Variants in ZCCHC14 observed in about 807,000 individuals in gnomAD.
The protein encoded by ZCCHC14 is zinc finger CCHC domain-containing protein 14.
ZCCHC14 carries 16 observed loss-of-function variants against 85.0 expected under a neutral mutation model. The observed-to-expected ratio is 0.19, with a 90% CI of 0.13 to 0.29. ZCCHC14 has a LOEUF of 0.29. Among genes scored for constraint, ZCCHC14 ranks in the 10% least tolerant of loss-of-function variants. ZCCHC14 has a pLI of 1.00. For synonymous variants in ZCCHC14, 775 were observed against 630.7 expected, an observed-to-expected ratio of 1.23 and a Z score of -3.43; for missense variants, 1,303 against 1,443.5, an observed-to-expected ratio of 0.90 and a Z score of 1.58.
intron 1 of ZCCHC14, chr16:87,467,603 T>C: frequency 7.7e-7 from 1 of 1,291,924 alleles, no homozygotes; most frequent in Non-Finnish European, 1.1e-6. Context: ...GTCAAGGATC[T>C]GGAGATGACA....
intron 1 of ZCCHC14, among the ~76,000 whole-genome samples, chr16:87,469,142 G>A (rs1374285416): frequency 6.6e-6 from 1 of 152,066 alleles, no homozygotes; most frequent in Non-Finnish European, 1.5e-5. Context: ...CAAATTGCCA[G>A]GCTCAAGTCA....
intron 2 of ZCCHC14, among the ~76,000 whole-genome samples, chr16:87,450,130 C>T (rs969755282): frequency 2.6e-5 from 4 of 152,212 alleles, no homozygotes; most frequent in Admixed American, 2.0e-4. Flanking sequence ...CAAATGTCTT[C>T]ACACTTGAAC....
At chr16:87,421,581 C>T (rs13330132) in intron 4 of ZCCHC14, among the ~76,000 whole-genome samples, 4,364 of 152,164 alleles carry the variant, frequency 0.029, 224 homozygotes, top group African/African-American at 0.1. Flanking sequence ...AGCACCAGGT[C>T]GCAAACAAGC....
In ZCCHC14 at chr16:87,478,798, G is replaced by C. The variant is rs191606247; in HGVS notation, c.570+12871C>G. Among the ~76,000 whole-genome samples the C allele has an allele frequency of 5.9e-3, 902 of 151,910 alleles. 6 individuals carry two copies. The highest frequency in any genetic ancestry group is 9.4e-3 in the Non-Finnish European group (640 of 67,946). ...ATTTTTGTATTTTTAGTAGAGATGGGGTTTTACCATATTGGTCAGGCTGGA... is the reference window on the plus strand; with the variant it reads ...ATTTTTGTATTTTTAGTAGAGATGGCGTTTTACCATATTGGTCAGGCTGGA... On this transcript the variant is annotated intron_variant, in intron 1 of 12. Coordinates refer to ENST00000671377, the MANE Select transcript of ZCCHC14 (RefSeq NM_015144.3).
intron 4 of ZCCHC14, among the ~76,000 whole-genome samples, chr16:87,421,622 G>C (rs1271344188): frequency 6.6e-6 from 1 of 152,152 alleles, no homozygotes; most frequent in Non-Finnish European, 1.5e-5. Flanking sequence ...AAGGGGCCGA[G>C]AGGGTAGAGA....
At chr16:87,468,379 C>A (rs1305748748) in intron 1 of ZCCHC14, among the ~76,000 whole-genome samples, 1 of 151,918 alleles carries the variant, frequency 6.6e-6, no homozygotes, top group Non-Finnish European at 1.5e-5. Context: ...GAGTATGTGT[C>A]ATCACATTGT....
intron 1 of ZCCHC14, among the ~76,000 whole-genome samples, chr16:87,466,913 CCCT>C (rs527316019): frequency 2.6e-5 from 4 of 152,272 alleles, no homozygotes; most frequent in Non-Finnish European, 5.9e-5. Flanking sequence ...CCTGCCACTG[CCCT>C]CCTCACCTTG....
chr16:87,411,388 C>G (rs115789663), intron 12 of ZCCHC14, 128 bp downstream of exon 12: 4 of 1,514,684 alleles, frequency 2.6e-6, no homozygotes, highest in Non-Finnish European at 3.5e-6. Flanking sequence ...GATTTCCACG[C>G]GCTTTCAAAG....
chr16:87,469,263 G>A (rs994077904), intron 1 of ZCCHC14, among the ~76,000 whole-genome samples: 13 of 152,180 alleles, frequency 8.5e-5, no homozygotes, highest in African/African-American at 3.1e-4. Flanking sequence ...GCAGCCATAT[G>A]AGATCATCCA....
chr16:87,434,948 G>A (rs139875249), intron 2 of ZCCHC14, among the ~76,000 whole-genome samples: 9,969 of 134,846 alleles, frequency 0.074, 1,171 homozygotes, highest in African/African-American at 0.26. Context: ...CCGATATCGC[G>A]CCATTGCACT....
chr16:87,411,520 C>G lies in ZCCHC14; in HGVS notation c.3201G>C (p.Arg1067=). The G allele has an allele frequency of 6.2e-7, 1 of 1,613,400 alleles. No homozygotes were observed. Among genetic ancestry groups the G allele is most frequent in the Non-Finnish European group, 8.5e-7 (1 of 1,179,990 alleles). ...DCKQPSMDFN[R]PGTFRLKYAP... The stretch of plus-strand genomic sequence containing the variant: ...GCGGCCATGGCGCGCGCTTACCTGG[C>G]CGGTTGAAGTCCATGGACGGCTGTT... The change falls in exon 12 of 13, where the codon CGG becomes CGC. Residue 1067 remains arginine, a synonymous_variant. Coordinates refer to ENST00000671377, the MANE Select transcript of ZCCHC14 (RefSeq NM_015144.3).
chr16:87,432,986 A>C, intron 3 of ZCCHC14, 142 bp downstream of exon 3: 1 of 462,630 alleles, frequency 2.2e-6, no homozygotes, highest in Non-Finnish European at 3.2e-6. Context: ...GCCCACCCCG[A>C]GCTCAGGGCC....
chr16:87,463,894 A>C (rs1911394524), intron 1 of ZCCHC14, among the ~76,000 whole-genome samples: 1 of 152,120 alleles, frequency 6.6e-6, no homozygotes, highest in Non-Finnish European at 1.5e-5. Flanking sequence ...ATCATAACTC[A>C]CCGCAGCCTC....
At chr16:87,421,836 G>A (rs183445228) in intron 4 of ZCCHC14, among the ~76,000 whole-genome samples, 12 of 152,200 alleles carry the variant, frequency 7.9e-5, no homozygotes, top group Admixed American at 7.2e-4. Flanking sequence ...TGGCAGAAGA[G>A]GTGTTGACCC....
At chr16:87,419,714 G>C (rs1214164703) in intron 6 of ZCCHC14, 69 bp downstream of exon 6, 12 of 1,352,960 alleles carry the variant, frequency 8.9e-6, no homozygotes, top group Non-Finnish European at 1.1e-5. Context: ...GGGATTACAA[G>C]CATGAGCCAC....
chr16:87,476,923 G>A (rs747856393), intron 1 of ZCCHC14, among the ~76,000 whole-genome samples: 1 of 151,806 alleles, frequency 6.6e-6, no homozygotes, highest in Non-Finnish European at 1.5e-5. Context: ...TAAGGAGTTT[G>A]AGACCAGCCT....
intron 7 of ZCCHC14, among the ~76,000 whole-genome samples, chr16:87,418,301 T>C (rs1161549772): frequency 6.6e-6 from 1 of 152,196 alleles, no homozygotes; most frequent in African/African-American, 2.4e-5. Context: ...CCTTGCTCCT[T>C]AACTGCAAAG....
chr16:87,487,289 ATTTTT>A (rs200699064), intron 1 of ZCCHC14, among the ~76,000 whole-genome samples: 4 of 151,930 alleles, frequency 2.6e-5, no homozygotes, highest in Non-Finnish European at 5.9e-5. Flanking sequence ...TAAAAACGTT[ATTTTT>A]TTTAGTACCC....
intron 3 of ZCCHC14, 149 bp from the exon 4 acceptor site, chr16:87,424,030 T>G: frequency 1.4e-6 from 1 of 718,446 alleles, no homozygotes; most frequent in South Asian, 1.9e-5. Context: ...TAAGCATCCC[T>G]TGACTTGTTA....
Sources: gnomAD v4.1 joint callset for allele counts (sites outside exome capture counted in the v4.1 genomes callset) on GRCh38, gnomAD v4.1.1 for gene constraint, MANE v1.5 for transcripts, NCBI Gene and HGNC (gene_info 2026-07-23, HGNC 2026-07-21) for gene names.